The following ANKRD27 variants were observed in gnomAD, a reference collection of about 807,000 sequenced individuals.
ANKRD27 encodes ankyrin repeat domain 27, also known as ankyrin repeat domain-containing protein 27.
Under a neutral mutation model 129.7 loss-of-function variants are expected in ANKRD27, and 112 were observed. The ratio of observed to expected loss-of-function variants is 0.86; its 90% CI spans 0.74 to 1.01. The LOEUF (loss-of-function observed/expected upper bound fraction) is 1.01. ANKRD27 is among the 50% of genes least tolerant of loss of function. The probability of loss-of-function intolerance (pLI) is 0.00; values close to 1 mark genes in which losing one functional copy is unlikely to be tolerated. For missense variants in ANKRD27, 1,258 were observed against 1,300.5 expected (o/e 0.97, Z 0.50); for synonymous variants, 516 against 511.2 (o/e 1.01, Z -0.13).
rs530428107 is a variant in ANKRD27 at position 32,653,702 on chromosome 19, C to T, written c.103-3910G>A. On this transcript the variant is annotated intron_variant, in intron 2 of 28. Transcript: ENST00000306065. ...GGCATCCCCACAAAAGGAGCACCTG[C>T]GAAGGAAGGCGCTTCGAGGCGTGGC... 1.5e-4 allele frequency among the ~76,000 whole-genome samples: 21 copies of T among 135,508 alleles called. No individual in the cohort carries two copies. In the South Asian group the frequency reaches 3.5e-3, roughly 22 times the overall value. 88.9% of individuals were successfully genotyped at this position (135,508 alleles called of 152,430 possible).
intron 9 of ANKRD27, 196 bp downstream of exon 9, chr19:32,642,927 T>C (rs1350668680): frequency 4.9e-6 from 3 of 607,246 alleles, no homozygotes; most frequent in East Asian, 2.8e-5. Context: ...GCTGGTGCAG[T>C]GTGGGAGGGG....
chr19:32,643,531 G>T lies in ANKRD27; in HGVS notation c.585+41C>A, dbSNP rs770295842. 1.7e-5 allele frequency: 27 copies of T among 1,613,696 alleles called. No homozygotes were observed. The South Asian group carries it at 2.3e-4, about 14-fold the overall frequency. On this transcript the variant is annotated intron_variant, in intron 6 of 28. Transcript: ENST00000306065. ...GTGAAAGGGCTTGGATTTGCATGGG[G>T]GTGCACCACAATTCTCCCTCTCAGA...
chr19:32,628,876 C>A (rs1966939187), intron 13 of ANKRD27, 27 bp from the exon 14 acceptor site: 1 of 1,612,326 alleles, frequency 6.2e-7, no homozygotes, highest in African/African-American at 1.3e-5. Context: ...AAGATGCTAT[C>A]CACATGCTGG....
chr19:32,621,893 C>T (rs1205183399), intron 18 of ANKRD27, among the ~76,000 whole-genome samples: 1 of 152,202 alleles, frequency 6.6e-6, no homozygotes, highest in East Asian at 1.9e-4. Context: ...TGCGAGCCAC[C>T]TCCAAGCCCC....
intron 13 of ANKRD27, among the ~76,000 whole-genome samples, chr19:32,629,558 G>C (rs981660777): frequency 2.4e-4 from 36 of 152,100 alleles, no homozygotes; most frequent in Non-Finnish European, 4.3e-4. Flanking sequence ...AACTTAGCCG[G>C]ATGTGGTGGC....
intron 3 of ANKRD27, among the ~76,000 whole-genome samples, chr19:32,648,053 G>A (rs888121962): frequency 6.6e-6 from 1 of 152,194 alleles, no homozygotes; most frequent in Non-Finnish European, 1.5e-5. Context: ...ATCATTTGAG[G>A]TCAGGAGTTT....
chr19:32,618,451 G>GAAAAAAAAAAAAAAAAAAAAAAAAAAAA (rs55674756), intron 20 of ANKRD27, among the ~76,000 whole-genome samples: 1 of 100,322 alleles, frequency 1.0e-5, no homozygotes. Flanking sequence ...GTCCCAAAAA[G>GAAAAAAAAAAAAAAAAAAAAAAAAAAAA]AAAAAAAAAA....
At chr19:32,634,642 G>A (rs1967057276) in intron 12 of ANKRD27, among the ~76,000 whole-genome samples, 1 of 152,194 alleles carries the variant, frequency 6.6e-6, no homozygotes, top group Admixed American at 6.5e-5. Flanking sequence ...CAGGCTGGGC[G>A]CAGTGGCTGG....
chr19:32,646,377 C>T, intron 4 of ANKRD27, 82 bp downstream of exon 4: 1 of 1,447,128 alleles, frequency 6.9e-7, no homozygotes, highest in Non-Finnish European at 9.4e-7. Flanking sequence ...CCTTGTTTAA[C>T]CTTTCAACAG....
chr19:32,643,226 A>G (rs746777361), intron 8 of ANKRD27, 27 bp from the exon 9 acceptor site: 6 of 1,614,102 alleles, frequency 3.7e-6, no homozygotes, highest in East Asian at 2.2e-5. Context: ...ACGAACCTTC[A>G]AATTTCTCAA....
At chr19:32,624,871 T>C (rs1972066423) in intron 17 of ANKRD27, among the ~76,000 whole-genome samples, 1 of 152,064 alleles carries the variant, frequency 6.6e-6, no homozygotes, top group Admixed American at 6.6e-5. Flanking sequence ...AGGCTAAGGC[T>C]GCAGTGAGCC....
intron 23 of ANKRD27, 132 bp downstream of exon 23, chr19:32,607,503 T>A (rs1971761982): frequency 8.8e-7 from 1 of 1,141,852 alleles, no homozygotes; most frequent in Non-Finnish European, 1.2e-6. Flanking sequence ...CGTGTGCACC[T>A]CAGAATCTCA....
intron 19 of ANKRD27, 23 bp downstream of exon 19, chr19:32,619,471 C>T (rs1173446487): frequency 1.2e-6 from 2 of 1,614,100 alleles, no homozygotes; most frequent in Admixed American, 1.7e-5. Flanking sequence ...GGTAACCTGA[C>T]CTGCTCAGCC....
Position 32,602,170 on chromosome 19 carries a change from T to C in ANKRD27, c.2656-44A>G, listed in dbSNP as rs1406721696. 4 of 1,206,394 alleles carry C rather than the reference T, an allele frequency of 3.3e-6. No individual in the cohort carries two copies. In the Admixed American group the frequency reaches 7.1e-5, roughly 22 times the overall value. 74.7% of individuals were successfully genotyped at this position (1,206,394 alleles called of 1,614,324 possible). A position where few individuals can be genotyped will look rare whatever the true frequency, so the allele number is the denominator to read the frequency against. ...AAGGAACAGTAATGTTTTTATTCTT[T>C]TTTAATAGGTTATTATTTGTTTTTG... On this transcript the variant is annotated intron_variant, in intron 25 of 28. Coordinates refer to ENST00000306065, the MANE Select transcript of ANKRD27 (RefSeq NM_032139.3).
intron 22 of ANKRD27, among the ~76,000 whole-genome samples, chr19:32,614,861 G>A (rs1190509694): frequency 1.3e-5 from 2 of 152,028 alleles, no homozygotes; most frequent in Non-Finnish European, 2.9e-5. Context: ...TAAGATCCAC[G>A]GATTGCATCA....
At chr19:32,635,270 T>C (rs10405549) in intron 12 of ANKRD27, among the ~76,000 whole-genome samples, 21,851 of 152,086 alleles carry the variant, frequency 0.14, 2,742 homozygotes, top group African/African-American at 0.34. Flanking sequence ...CAGACCAATC[T>C]GTTTCTTGCC....
intron 26 of ANKRD27, among the ~76,000 whole-genome samples, chr19:32,601,761 C>T (rs1415972063): frequency 3.9e-5 from 6 of 152,218 alleles, no homozygotes; most frequent in Non-Finnish European, 7.4e-5. Context: ...CCTGAACCTT[C>T]AAGGTAGTGT....
At chr19:32,645,421 AAAT>A (rs1285434939) in intron 4 of ANKRD27, among the ~76,000 whole-genome samples, 5 of 151,446 alleles carry the variant, frequency 3.3e-5, no homozygotes, top group Admixed American at 6.6e-5. Flanking sequence ...AAAAATAATT[AAAT>A]AATAATAATA....
chr19:32,612,745 C>T (rs1971853005), intron 22 of ANKRD27, among the ~76,000 whole-genome samples: 3 of 151,824 alleles, frequency 2.0e-5, no homozygotes. Flanking sequence ...CACTTGTAGG[C>T]AAGAAAAAAC....
Sources: allele counts gnomAD v4.1 joint callset (sites outside exome capture counted in the v4.1 genomes callset), GRCh38; gene constraint gnomAD v4.1.1; transcripts MANE v1.5; gene names NCBI Gene and HGNC (gene_info 2026-07-23, HGNC 2026-07-21).